Variants in LAMA4 observed in about 807,000 individuals in gnomAD.
LAMA4 encodes the protein laminin subunit alpha 4, also known as laminin subunit alpha-4.
LAMA4 carries 127 observed loss-of-function variants against 207.1 expected under a neutral mutation model. The ratio of observed to expected loss-of-function variants is 0.61; its 90% CI spans 0.53 to 0.71. The LOEUF is 0.71. Ranked by LOEUF, LAMA4 falls within the 30% of genes least tolerant of loss-of-function variation. The pLI, the probability that LAMA4 is intolerant of heterozygous loss-of-function variation, is 0.00. For missense variants in LAMA4, 2,093 were observed against 2,246.5 expected, an observed-to-expected ratio of 0.93 and a Z score of 1.38; for synonymous variants, 761 against 816.0, an observed-to-expected ratio of 0.93 and a Z score of 1.15.
chr6:112,201,349 C>T (rs181553353), intron 5 of LAMA4, among the ~76,000 whole-genome samples: 11 of 152,340 alleles, frequency 7.2e-5, no homozygotes, highest in Non-Finnish European at 1.6e-4. Context: ...AATACACATC[C>T]TCAATTTCCT....
chr6:112,167,298 A>T (rs1370295660), intron 12 of LAMA4, among the ~76,000 whole-genome samples: 1 of 152,190 alleles, frequency 6.6e-6, no homozygotes, highest in Non-Finnish European at 1.5e-5. Context: ...GCTACTTGGG[A>T]GGCTGAGGCA....
Position 112,117,980 on chromosome 6 carries a change from C to T in LAMA4, c.4822-82G>A. 9.1e-7 allele frequency: 1 copy of T among 1,099,820 alleles called. No homozygotes were observed. Among genetic ancestry groups the T allele is most frequent in the Non-Finnish European group, 1.4e-6 (1 of 719,132 alleles). 68.1% of individuals were successfully genotyped at this position (1,099,820 alleles called of 1,614,324 possible). ...GAAGCAAAATGAGGGGGTTTGAGTC[C>T]TGAAGGAACCCACGTAATTCCTTGT... On this transcript the variant is annotated intron_variant, in intron 34 of 38. Coordinates refer to ENST00000230538, the MANE Select transcript of LAMA4 (RefSeq NM_001105206.3). The surrounding 1 kb of genome is among the most constrained non-coding windows in gnomAD (Gnocchi z 4.5).
At chr6:112,150,813 A>C (rs1554335629) in intron 16 of LAMA4, among the ~76,000 whole-genome samples, 186 bp from the exon 17 acceptor site, 2 of 152,242 alleles carry the variant, frequency 1.3e-5, no homozygotes, top group Non-Finnish European at 1.5e-5. Context: ...ACAGAATTGC[A>C]GAACACTTGT....
At chr6:112,193,589 A>G (rs1003951795) in intron 5 of LAMA4, among the ~76,000 whole-genome samples, 1 of 152,104 alleles carries the variant, frequency 6.6e-6, no homozygotes, top group African/African-American at 2.4e-5. Context: ...TTGTAGTGAT[A>G]GGATATGGTC....
chr6:112,208,693 G>A (rs560040931), intron 3 of LAMA4, among the ~76,000 whole-genome samples: 17 of 152,276 alleles, frequency 1.1e-4, no homozygotes, highest in African/African-American at 2.4e-4. Flanking sequence ...AACACTTTGA[G>A]CTTCAATTGA....
chr6:112,115,029 G>A (rs930583378), intron 36 of LAMA4, among the ~76,000 whole-genome samples: 1 of 152,180 alleles, frequency 6.6e-6, no homozygotes, highest in Non-Finnish European at 1.5e-5. Flanking sequence ...TCTAAAGATT[G>A]AGTGTGTTAT....
intron 12 of LAMA4, chr6:112,172,023 A>G (rs1355417243): frequency 6.5e-6 from 1 of 154,894 alleles, no homozygotes; most frequent in Admixed American, 6.3e-5. Context: ...GGCTGTGAAT[A>G]CATGCATTGC....
intron 7 of LAMA4, chr6:112,188,842 C>G: frequency 4.9e-6 from 2 of 409,114 alleles, no homozygotes; most frequent in South Asian, 5.9e-5. Flanking sequence ...GTGTTTCTGA[C>G]TTTGCCTTTA....
intron 31 of LAMA4, among the ~76,000 whole-genome samples, chr6:112,124,065 G>A (rs1204791644): frequency 1.3e-5 from 2 of 152,102 alleles, no homozygotes; most frequent in Admixed American, 1.3e-4. Flanking sequence ...CAATCCCAGT[G>A]GAGTAATACA....
chr6:112,121,236 A>G (rs1240697971), intron 32 of LAMA4, among the ~76,000 whole-genome samples: 10 of 152,362 alleles, frequency 6.6e-5, no homozygotes, highest in Non-Finnish European at 5.9e-5. Context: ...TGGATACCAC[A>G]TGTAAAAAGC....
chr6:112,114,025 G>C, intron 38 of LAMA4, 51 bp downstream of exon 38: 1 of 1,604,836 alleles, frequency 6.2e-7, no homozygotes, highest in Non-Finnish European at 8.5e-7. Flanking sequence ...TAACAATTGT[G>C]AGAACTCAGT....
chr6:112,139,148 T>C lies in LAMA4; in HGVS notation c.3254A>G (p.Asn1085Ser), dbSNP rs1554332325. The change falls in exon 24 of 39, where the codon AAC (asparagine) becomes AGC (serine). Residue 1085 changes from asparagine (N) to serine (S), a missense_variant. By Grantham distance (46) the Asn-to-Ser change is conservative. Around this residue, in one of 3 missense-constraint regions of LAMA4, gnomAD observed 1,704 missense variants for 1,788.4 expected, o/e 0.95. Coordinates refer to ENST00000230538, the MANE Select transcript of LAMA4 (RefSeq NM_001105206.3). ...FDIEVRTPAD[N>S]GLILLMVNGS... ...ATTGACCATCAGGAGAATAAGGCCG[T>C]TGTCAGCTGGTGTTCGAACTTCTAT... 3.7e-6 allele frequency: 6 copies of C among 1,614,164 alleles called. No individual in the cohort carries two copies. Among genetic ancestry groups the C allele is most frequent in the Non-Finnish European group, 5.1e-6 (6 of 1,180,000 alleles).
chr6:112,158,606 C>T (rs1780865921), intron 14 of LAMA4, 126 bp downstream of exon 14: 1 of 972,276 alleles, frequency 1.0e-6, no homozygotes, highest in African/African-American at 1.6e-5. Context: ...CATATCAACA[C>T]ATAAGCATAC....
intron 2 of LAMA4, chr6:112,236,655 T>A (rs781812204): frequency 6.6e-6 from 1 of 152,220 alleles, no homozygotes; most frequent in South Asian, 2.1e-4. Flanking sequence ...TGCAGATATG[T>A]TATAAGGCAA....
chr6:112,148,355 G>A lies in LAMA4; in HGVS notation c.2174-19C>T, dbSNP rs1554335049. ...GCATCCCCTTTACACAGAGCACAGG[G>A]TCATTCACTTTGCAGAGAAGCCGGA... is the stretch of plus-strand genomic sequence containing the variant. On this transcript the variant is annotated intron_variant, in intron 17 of 38. Coordinates refer to ENST00000230538, the MANE Select transcript of LAMA4 (RefSeq NM_001105206.3). 1 of 1,613,834 alleles carries A rather than the reference G, an allele frequency of 6.2e-7. No homozygotes were observed. The highest frequency in any genetic ancestry group is 8.5e-7 in the Non-Finnish European group (1 of 1,179,792).
rs782479589 is a variant in LAMA4, at chr6:112,175,394, T to A, written c.1276A>T (p.Met426Leu). The A allele has an allele frequency of 1.2e-6, 2 of 1,614,206 alleles. No homozygotes were observed. Among genetic ancestry groups the A allele is most frequent in the African/African-American group, 1.3e-5 (1 of 75,058 alleles). ...ISEKLVLAQK[M>L]LEEIRSRQPF... is the part of the protein sequence containing the mutation. ...TGACGGCTTCTAATCTCTTCAAGCA[T>A]CTTCTGGGCCAACACCAGCTTCTCA... The change falls in exon 11 of 39, where the codon ATG becomes TTG. Residue 426 changes from methionine (M) to leucine (L), a missense_variant. Coordinates refer to ENST00000230538, the MANE Select transcript of LAMA4 (RefSeq NM_001105206.3).
chr6:112,215,370 G>T (rs1554358286), intron 3 of LAMA4, among the ~76,000 whole-genome samples: 1 of 152,214 alleles, frequency 6.6e-6, no homozygotes, highest in African/African-American at 2.4e-5. Flanking sequence ...ATTTGCATTT[G>T]CATCTTAATG....
rs1782128357 is a variant in LAMA4, at chr6:112,178,103, A to G, written c.1189+18T>C. On this transcript the variant is annotated intron_variant, in intron 10 of 38. Transcript: ENST00000230538. ...TGTTTCCTTGATATTAAACTGAACC[A>G]GAAGAGAATATATTTACCTTGGATT... The G allele has an allele frequency of 6.6e-7, 1 of 1,525,278 alleles. No individual in the cohort carries two copies. The highest frequency in any genetic ancestry group is 9.1e-7 in the Non-Finnish European group (1 of 1,098,890). The allele number at this position is 1,525,278 out of a possible 1,614,324, so 94.5% of individuals were successfully genotyped here. A position where few individuals can be genotyped will look rare whatever the true frequency, so the allele number is the denominator to read the frequency against.
chr6:112,163,691 A>G (rs1554339089), intron 13 of LAMA4, among the ~76,000 whole-genome samples: 1 of 152,204 alleles, frequency 6.6e-6, no homozygotes, highest in African/African-American at 2.4e-5. Context: ...CACTCGAGAC[A>G]TTTTGCTGTG....
Sources: gnomAD v4.1 joint callset for allele counts (sites outside exome capture counted in the v4.1 genomes callset) on GRCh38, gnomAD v4.1.1 for gene constraint, gnomAD v4.1.1 regional missense constraint, Gnocchi (gnomAD v3.1) non-coding constraint, MANE v1.5 for transcripts, NCBI Gene and HGNC (gene_info 2026-07-23, HGNC 2026-07-21) for gene names.